Variants in MGAT5 observed in about 807,000 individuals in gnomAD.
MGAT5 encodes the protein alpha-1,6-mannosylglycoprotein 6-beta-N-acetylglucosaminyltransferase A.
A neutral mutation model predicts 94.3 loss-of-function variants in MGAT5; 30 were observed. That is an observed-to-expected ratio of 0.32 (90% CI 0.24 to 0.43). The LOEUF is 0.43. Ranked by LOEUF, MGAT5 falls within the 20% of genes least tolerant of loss-of-function variation. The probability of loss-of-function intolerance (pLI) is 1.00; values close to 1 mark genes in which losing one functional copy is unlikely to be tolerated. For synonymous variants in MGAT5, 310 were observed against 322.9 expected, an observed-to-expected ratio of 0.96 and a Z score of 0.43; for missense variants, 691 against 905.5, an observed-to-expected ratio of 0.76 and a Z score of 3.04.
chr2:134,403,646 T>C (rs532541785), intron 11 of MGAT5, among the ~76,000 whole-genome samples: 1 of 152,272 alleles, frequency 6.6e-6, no homozygotes, highest in African/African-American at 2.4e-5. Flanking sequence ...TCAGGAGAGA[T>C]GCAAGAGATG....
chr2:134,129,795 C>G (rs1686033941), intron 1 of MGAT5, among the ~76,000 whole-genome samples: 1 of 152,086 alleles, frequency 6.6e-6, no homozygotes, highest in African/African-American at 2.4e-5. Flanking sequence ...GCTAGCAGCC[C>G]TCGCTCGCTC....
chr2:134,446,458 A>G (rs780934880), intron 15 of MGAT5, among the ~76,000 whole-genome samples: 2 of 152,140 alleles, frequency 1.3e-5, no homozygotes, highest in Non-Finnish European at 2.9e-5. Flanking sequence ...TCATAAATAT[A>G]AACCTGTATC....
chr2:134,257,836 C>CCTTTTTTTTTTTTTTTTTTTTTTTTTTT lies in MGAT5; in HGVS notation c.241+3192_241+3193insCTTTTTTTTTTTTTTTTTTTTTTTTTTT, dbSNP rs781189819. 5.6e-5 allele frequency among the ~76,000 whole-genome samples: 6 copies of CCTTTTTTTTTTTTTTTTTTTTTTTTTTT among 106,414 alleles called. 3 individuals are homozygous for CCTTTTTTTTTTTTTTTTTTTTTTTTTTT. Among genetic ancestry groups the CCTTTTTTTTTTTTTTTTTTTTTTTTTTT allele is most frequent in the Non-Finnish European group, 3.7e-5 (2 of 54,240 alleles). 69.8% of individuals were successfully genotyped at this position (106,414 alleles called of 152,430 possible). ...TGCATAGGCCATTAGTTTGCAGTCT[C>CCTTTTTTTTTTTTTTTTTTTTTTTTTTT]TTTTTTTTTTTTTTTTTTTGCCATA... On this transcript the variant is annotated intron_variant, in intron 1 of 15. Transcript: ENST00000281923.
chr2:134,318,562 C>T, intron 3 of MGAT5, 88 bp from the exon 4 acceptor site: 1 of 967,786 alleles, frequency 1.0e-6, no homozygotes, highest in Admixed American at 1.8e-5. Flanking sequence ...CCATTCACTC[C>T]ATCTTCACCA....
chr2:134,257,836 C>CCTTTT lies in MGAT5; in HGVS notation c.241+3192_241+3193insCTTTT, dbSNP rs781189819. ...TGCATAGGCCATTAGTTTGCAGTCTCTTTTTTTTTTTTTTTTTTTGCCATA... is the reference window on the plus strand; with the variant it reads ...TGCATAGGCCATTAGTTTGCAGTCTCCTTTTTTTTTTTTTTTTTTTTTTTGCCATA... On this transcript the variant is annotated intron_variant, in intron 1 of 15. Coordinates refer to ENST00000281923, the MANE Select transcript of MGAT5 (RefSeq NM_002410.5). Among the ~76,000 whole-genome samples, 214 of 106,428 alleles carry CCTTTT rather than the reference C, an allele frequency of 2.0e-3. 51 individuals are homozygous for CCTTTT. The highest frequency in any genetic ancestry group is 2.3e-3 in the Non-Finnish European group (126 of 54,232). 69.8% of individuals were successfully genotyped at this position (106,428 alleles called of 152,430 possible). A position where few individuals can be genotyped will look rare whatever the true frequency, so the allele number is the denominator to read the frequency against.
intron 2 of MGAT5, among the ~76,000 whole-genome samples, chr2:134,295,685 G>A (rs370657422): frequency 6.6e-6 from 1 of 152,122 alleles, no homozygotes; most frequent in African/African-American, 2.4e-5. Flanking sequence ...AGGGCTGTTC[G>A]GAGTTTCTAT....
chr2:134,185,463 A>T (rs1573815272), intron 1 of MGAT5, among the ~76,000 whole-genome samples: 1 of 152,168 alleles, frequency 6.6e-6, no homozygotes, highest in East Asian at 1.9e-4. Flanking sequence ...GAAACTTAAA[A>T]GTGGGTTATG....
intron 10 of MGAT5, among the ~76,000 whole-genome samples, chr2:134,374,822 A>G (rs922047942): frequency 6.6e-5 from 10 of 152,112 alleles, no homozygotes; most frequent in Non-Finnish European, 1.3e-4. Flanking sequence ...GCGAAACCCT[A>G]TCTCTTCTAA....
intron 15 of MGAT5, among the ~76,000 whole-genome samples, chr2:134,442,349 G>A (rs1685529393): frequency 1.3e-5 from 2 of 152,150 alleles, no homozygotes. Context: ...CTGGTGGCAA[G>A]TGACATTGTT....
intron 1 of MGAT5, among the ~76,000 whole-genome samples, chr2:134,242,681 C>A (rs1424411910): frequency 6.6e-6 from 1 of 152,206 alleles, no homozygotes; most frequent in Non-Finnish European, 1.5e-5. Context: ...CCTGCCAGAT[C>A]ATTTCAGTGC....
chr2:134,136,230 T>C (rs767264862), intron 1 of MGAT5, among the ~76,000 whole-genome samples: 8 of 152,280 alleles, frequency 5.3e-5, no homozygotes, highest in Non-Finnish European at 1.2e-4. Flanking sequence ...TTATTTAATG[T>C]GTTAAGATAC....
intron 1 of MGAT5, among the ~76,000 whole-genome samples, chr2:134,225,599 C>T (rs1681019391): frequency 6.6e-6 from 1 of 152,140 alleles, no homozygotes; most frequent in Non-Finnish European, 1.5e-5. Context: ...TATTCACGTT[C>T]AAGTGTATAG....
intron 5 of MGAT5, among the ~76,000 whole-genome samples, chr2:134,336,558 A>G (rs1271847508): frequency 2.0e-5 from 3 of 152,094 alleles, no homozygotes; most frequent in African/African-American, 7.2e-5. Context: ...TTAGTGATCT[A>G]ATAAGGCTGA....
At chr2:134,321,622 G>A (rs1000042449) in intron 4 of MGAT5, among the ~76,000 whole-genome samples, 8 of 152,170 alleles carry the variant, frequency 5.3e-5, no homozygotes, top group African/African-American at 1.2e-4. Flanking sequence ...ATTTTGGAAC[G>A]AGCAACTACG....
At chr2:134,151,767 C>T (rs1254612248) in intron 1 of MGAT5, among the ~76,000 whole-genome samples, 25 of 149,382 alleles carry the variant, frequency 1.7e-4, no homozygotes, top group South Asian at 4.3e-4. Flanking sequence ...CTGTGGGACC[C>T]GCCCACCACC....
chr2:134,310,660 G>C (rs1322190549), intron 2 of MGAT5, among the ~76,000 whole-genome samples: 1 of 152,112 alleles, frequency 6.6e-6, no homozygotes, highest in Admixed American at 6.5e-5. Context: ...GTGGGGCCCT[G>C]GTTCTGGAAT....
At chr2:134,288,765 G>C (rs977688003) in intron 2 of MGAT5, among the ~76,000 whole-genome samples, 1 of 152,048 alleles carries the variant, frequency 6.6e-6, no homozygotes, top group Non-Finnish European at 1.5e-5. Context: ...CCGATAACTG[G>C]TTTCCAGAAA....
intron 10 of MGAT5, among the ~76,000 whole-genome samples, chr2:134,364,638 TA>T (rs1366389367): frequency 2.6e-5 from 4 of 152,232 alleles, no homozygotes; most frequent in Non-Finnish European, 5.9e-5. Context: ...GTGCAGCACC[TA>T]AAGATTATAA....
At chr2:134,304,893 G>A (rs898441959) in intron 2 of MGAT5, among the ~76,000 whole-genome samples, 7 of 152,150 alleles carry the variant, frequency 4.6e-5, no homozygotes, top group Non-Finnish European at 1.0e-4. Context: ...GTTTTTAAGA[G>A]GCATCCTAGC....
Sources: gnomAD v4.1 joint callset for allele counts (sites outside exome capture counted in the v4.1 genomes callset) on GRCh38, gnomAD v4.1.1 for gene constraint, MANE v1.5 for transcripts, NCBI Gene and HGNC (gene_info 2026-07-23, HGNC 2026-07-21) for gene names.